The following SETD1A variants were observed in gnomAD, a reference collection of about 807,000 sequenced individuals.
SETD1A encodes the protein histone-lysine N-methyltransferase SETD1A.
SETD1A carries 29 observed loss-of-function variants against 149.9 expected under a neutral mutation model. That is an observed-to-expected ratio of 0.19 (90% CI 0.14 to 0.26). The LOEUF (loss-of-function observed/expected upper bound fraction) is 0.26. Ranked by LOEUF, SETD1A falls within the 10% of genes least tolerant of loss-of-function variation. SETD1A has a pLI of 1.00. For missense variants in SETD1A, 2,109 were observed against 2,353.1 expected, an observed-to-expected ratio of 0.90 and a Z score of 2.15; for synonymous variants, 1,141 against 968.5, an observed-to-expected ratio of 1.18 and a Z score of -3.31.
At chr16:30,966,535 G>A in intron 8 of SETD1A, 149 bp downstream of exon 8, 1 of 1,222,872 alleles carries the variant, frequency 8.2e-7, no homozygotes, top group Non-Finnish European at 1.1e-6. Context: ...TGGGTGGGCA[G>A]GGGAGTTGAG....
At chr16:30,967,451 G>T in intron 9 of SETD1A, 50 bp from the exon 10 acceptor site, 1 of 1,554,958 alleles carries the variant, frequency 6.4e-7, no homozygotes, top group Non-Finnish European at 8.9e-7. Context: ...ACCGTGCTCT[G>T]CCTGAGTGTT....
rs1174988539 is a variant in SETD1A at position 30,965,639 on chromosome 16, C to T, written c.1758C>T (p.Ser586=). The change falls in exon 8 of 19, where the codon TCC becomes TCT. Residue 586 remains serine, a synonymous_variant. Coordinates refer to ENST00000262519, the MANE Select transcript of SETD1A (RefSeq NM_014712.3). ...PCSSGDDMEI[S]DDDRGGSPPP... ...CTTCTGGAGACGACATGGAGATCTC[C>T]GACGACGACCGGGGTGGCTCACCCC... The T allele has an allele frequency of 2.0e-5, 32 of 1,611,726 alleles. No homozygotes were observed. Among genetic ancestry groups the T allele is most frequent in the African/African-American group, 1.1e-4 (8 of 74,232 alleles).
At position 30,966,107 on chromosome 16, in the gene SETD1A, A is replaced by G. The variant is rs1318764059; in HGVS notation, c.2226A>G (p.Ala742=). Residue 742 remains alanine, a synonymous_variant, in exon 8 of 19, where the codon GCA becomes GCG. Coordinates refer to ENST00000262519, the MANE Select transcript of SETD1A (RefSeq NM_014712.3). ...CACAGGGGCAGGAGGGCAGAGGGGC[A>G]TACTCACGGGAGGCCTACCACCTGC... ...LYAQGQEGRG[A]YSREAYHLPM... The G allele has an allele frequency of 6.9e-6, 11 of 1,597,830 alleles. No individual in the cohort carries two copies. Among genetic ancestry groups the G allele is most frequent in the East Asian group, 2.2e-5 (1 of 44,628 alleles).
chr16:30,974,469 G>T (rs768234598), intron 13 of SETD1A, among the ~76,000 whole-genome samples: 1 of 152,148 alleles, frequency 6.6e-6, no homozygotes, highest in Non-Finnish European at 1.5e-5. Flanking sequence ...GGCTGAGAGC[G>T]GTGACCAGAG....
At chr16:30,958,695 C>T (rs2056002118) in intron 1 of SETD1A, 22 bp from the exon 2 acceptor site, 4 of 1,608,306 alleles carry the variant, frequency 2.5e-6, no homozygotes, top group Non-Finnish European at 3.4e-6. Flanking sequence ...ATCCTTCTTG[C>T]GTGTCCCTCT....
chr16:30,969,772 C>T (rs2056201848), intron 12 of SETD1A, 83 bp downstream of exon 12: 1 of 1,092,118 alleles, frequency 9.2e-7, no homozygotes, highest in African/African-American at 1.5e-5. Context: ...GCCCACATGA[C>T]CTTCCTGCTG....
intron 3 of SETD1A, among the ~76,000 whole-genome samples, chr16:30,960,730 C>CTTT (rs71374043): frequency 0.012 from 962 of 80,300 alleles, 6 homozygotes; most frequent in East Asian, 0.022. Context: ...TTCTTTCTTT[C>CTTT]TTTTTTTTTT....
intron 17 of SETD1A, among the ~76,000 whole-genome samples, chr16:30,982,193 C>T (rs1458101169): frequency 1.3e-5 from 2 of 152,110 alleles, no homozygotes; most frequent in Admixed American, 1.3e-4. Context: ...TGGAGGTCAG[C>T]TTGGCTCATT....
intron 10 of SETD1A, among the ~76,000 whole-genome samples, chr16:30,967,968 C>G: frequency 6.6e-6 from 1 of 152,272 alleles, no homozygotes; most frequent in Middle Eastern, 3.4e-3. Flanking sequence ...CTACCATGGC[C>G]TGGAAACTTG....
At position 30,964,701 on chromosome 16, in the gene SETD1A, C is replaced by T; in HGVS notation, c.959C>T (p.Ser320Phe). 3 of 1,614,188 alleles carry T rather than the reference C, an allele frequency of 1.9e-6. 1 individual carries two copies. In the African/African-American group the frequency reaches 4.0e-5, roughly 22 times the overall value. Residue 320 changes from serine to phenylalanine, a missense_variant, in exon 7 of 19, where the codon TCC becomes TTC. Coordinates refer to ENST00000262519, the MANE Select transcript of SETD1A (RefSeq NM_014712.3). ...SRRHFSASSA[S>F]TTASTAIAAT... ...CGCCACTTCTCTGCATCTTCAGCCT[C>T]CACAACCGCCTCCACGGCCATCGCC... is the stretch of plus-strand genomic sequence containing the variant.
chr16:30,971,303 G>A (rs2056220346), intron 12 of SETD1A, 75 bp from the exon 13 acceptor site: 1 of 1,437,012 alleles, frequency 7.0e-7, no homozygotes, highest in African/African-American at 1.4e-5. Flanking sequence ...TCCACAGCAG[G>A]GAGTGAGTGA....
chr16:30,966,827 G>T (rs2056154126), intron 8 of SETD1A, 57 bp from the exon 9 acceptor site: 1 of 1,487,890 alleles, frequency 6.7e-7, no homozygotes, highest in South Asian at 1.4e-5. Context: ...TAGGTCTCAG[G>T]CAGGAGGGAA....
At chr16:30,973,680 T>C (rs1190170863) in intron 13 of SETD1A, among the ~76,000 whole-genome samples, 1 of 152,098 alleles carries the variant, frequency 6.6e-6, no homozygotes, top group African/African-American at 2.4e-5. Flanking sequence ...TGTGAAGATG[T>C]GCATGGCCTC....
intron 4 of SETD1A, 48 bp from the exon 5 acceptor site, chr16:30,963,385 G>A: frequency 6.5e-7 from 1 of 1,535,966 alleles, no homozygotes; most frequent in Non-Finnish European, 8.8e-7. Context: ...GATCAGGAAG[G>A]AGTTAGTATC....
At chr16:30,981,792 A>T (rs1174161048) in intron 17 of SETD1A, among the ~76,000 whole-genome samples, 1 of 152,178 alleles carries the variant, frequency 6.6e-6, no homozygotes, top group East Asian at 1.9e-4. Context: ...TTCTGCAAAA[A>T]ATACAAAAGC....
Position 30,965,827 on chromosome 16 carries a change from C to T in SETD1A, c.1946C>T (p.Pro649Leu), listed in dbSNP as rs1283371252. 2 of 1,602,756 alleles carry T rather than the reference C, an allele frequency of 1.2e-6. No homozygotes were observed. The highest frequency in any genetic ancestry group is 1.1e-5 in the South Asian group (1 of 89,724). The change falls in exon 8 of 19, where the codon CCT becomes CTT. Residue 649 changes from proline to leucine, a missense_variant. Coordinates refer to ENST00000262519, the MANE Select transcript of SETD1A (RefSeq NM_014712.3). ...DGPPPPEYPP[P>L]PPPPPHIYDF... is the part of the protein sequence containing the mutation. ...CCGCCGCCCCCTGAGTACCCCCCAC[C>T]TCCTCCACCACCCCCGCACATCTAT... is the stretch of plus-strand genomic sequence containing the variant.
chr16:30,967,402 C>T, intron 9 of SETD1A, 99 bp from the exon 10 acceptor site: 4 of 1,050,856 alleles, frequency 3.8e-6, no homozygotes, highest in Admixed American at 3.6e-5. Flanking sequence ...GATCTACCTG[C>T]CTTGGCCTCC....
At position 30,979,344 on chromosome 16, in the gene SETD1A, G is replaced by A. The variant is rs1033660622; in HGVS notation, c.3558G>A (p.Pro1186=). The A allele has an allele frequency of 4.5e-5, 72 of 1,611,028 alleles. No homozygotes were observed. The highest frequency in any genetic ancestry group is 1.1e-4 in the East Asian group (5 of 44,642). Reference sequence around the variant, plus strand: ...CCCCGGAGCCCCCTCCAGCCACACCGCCGCAGGCCAAGTTTCCCGGCCCAG... The same window carrying A: ...CCCCGGAGCCCCCTCCAGCCACACCACCGCAGGCCAAGTTTCCCGGCCCAG... The part of the protein sequence containing the change: ...VPAPEPPPAT[P]PQAKFPGPAS... Residue 1186 remains proline, a synonymous_variant, in exon 14 of 19, where the codon CCG becomes CCA. Transcript: ENST00000262519.
rs997859026 is a variant in SETD1A at position 30,964,257 on chromosome 16, C to T, written c.803C>T (p.Ser268Phe). The T allele has an allele frequency of 6.2e-7, 1 of 1,613,884 alleles. No homozygotes were observed. Among genetic ancestry groups the T allele is most frequent in the African/African-American group, 1.3e-5 (1 of 74,870 alleles). ...TTTGGCCAGTTCACACCTCAGTCCT[C>T]CCAAGGAACCCCCTACACGTCTCGG... ...SSFGQFTPQS[S>F]QGTPYTSRGS... Residue 268 changes from serine (S) to phenylalanine (F), a missense_variant, in exon 6 of 19, where the codon TCC (serine) becomes TTC (phenylalanine). By Grantham distance (155) the Ser-to-Phe change is radical. Transcript: ENST00000262519.
Sources: gnomAD v4.1 joint callset for allele counts (sites outside exome capture counted in the v4.1 genomes callset) on GRCh38, gnomAD v4.1.1 for gene constraint, MANE v1.5 for transcripts, NCBI Gene and HGNC (gene_info 2026-07-23, HGNC 2026-07-21) for gene names.